The following ENTPD5 variants were observed in gnomAD, a reference collection of about 807,000 sequenced individuals.
ENTPD5 encodes nucleoside diphosphate phosphatase ENTPD5.
Under a neutral mutation model 60.2 loss-of-function variants are expected in ENTPD5, and 49 were observed. The ratio of observed to expected loss-of-function variants is 0.81; its 90% CI spans 0.65 to 1.03. The LOEUF is 1.03. Ranked by LOEUF, ENTPD5 falls within the 50% of genes least tolerant of loss-of-function variation. The pLI is 0.00. For missense variants in ENTPD5, 480 were observed against 507.6 expected (o/e 0.95, Z 0.52); for synonymous variants, 187 against 185.4 (o/e 1.01, Z -0.07).
At chr14:73,987,008 A>C (rs111623005) in intron 4 of ENTPD5, 115 bp from the exon 5 acceptor site, 146,240 of 792,412 alleles carry the variant, frequency 0.18, 14,999 homozygotes, top group East Asian at 0.33. Flanking sequence ...AAGTTATCCC[A>C]AATGATCCTA....
chr14:73,959,325 T>C, downstream of ENTPD5: 2 of 1,614,096 alleles, frequency 1.2e-6, no homozygotes, highest in Non-Finnish European at 1.7e-6. Flanking sequence ...GCCCAGGCTG[T>C]TTGTAAGTTC....
downstream of ENTPD5, among the ~76,000 whole-genome samples, chr14:73,962,301 T>C (rs1472975041): frequency 6.6e-6 from 1 of 152,090 alleles, no homozygotes; most frequent in East Asian, 1.9e-4. Flanking sequence ...ATTATCTTTA[T>C]GTGTTTGCCT....
chr14:74,005,119 A>G (rs1039162315), intron 3 of ENTPD5, among the ~76,000 whole-genome samples: 1 of 151,922 alleles, frequency 6.6e-6, no homozygotes, highest in African/African-American at 2.4e-5. Context: ...AAGCCAGGTT[A>G]GCTGGGCATG....
intron 3 of ENTPD5, 135 bp from the exon 4 acceptor site, chr14:73,988,307 G>T: frequency 1.3e-6 from 1 of 755,288 alleles, no homozygotes; most frequent in South Asian, 2.6e-5. Context: ...AAACCAGGGT[G>T]ATGTGGGCTC....
chr14:73,975,023 T>G (rs1248035665), intron 10 of ENTPD5, 38 bp from the exon 11 acceptor site: 22 of 1,499,388 alleles, frequency 1.5e-5, no homozygotes, highest in African/African-American at 2.7e-5. Flanking sequence ...ATGCTGGTCC[T>G]GAAGTTCTCT....
At position 73,993,197 on chromosome 14, in the gene ENTPD5, C is replaced by T. The variant is rs1203448779; in HGVS notation, c.-70-5025G>A. ...ACCAAAAGTACAAAAATTAGTTGGA[C>T]GTGGTGGCATGCACCTGTGGTCCTA... is the stretch of plus-strand genomic sequence containing the variant. On this transcript the variant is annotated intron_variant, in intron 3 of 15. Transcript: ENST00000334696. Among the ~76,000 whole-genome samples the T allele has an allele frequency of 1.3e-5, 2 of 151,982 alleles. 1 individual carries two copies. Among genetic ancestry groups the T allele is most frequent in the South Asian group, 4.2e-4 (2 of 4,814 alleles).
intron 3 of ENTPD5, 58 bp from the exon 4 acceptor site, chr14:73,988,230 A>T: frequency 7.0e-7 from 1 of 1,424,504 alleles, no homozygotes; most frequent in Non-Finnish European, 9.3e-7. Context: ...ACACCTGTAA[A>T]AGAAGAAACA....
At chr14:73,958,396 G>A (rs1400339793), downstream of ENTPD5, 1 of 1,550,776 alleles carries the variant, frequency 6.4e-7, no homozygotes, top group African/African-American at 1.4e-5. Context: ...TTTTGGTTAT[G>A]AGGACCAGTA....
chr14:73,956,532 TA>T (rs1335533708), downstream of ENTPD5: 2 of 152,330 alleles, frequency 1.3e-5, no homozygotes, highest in African/African-American at 2.4e-5. Context: ...TTTCCTTCTG[TA>T]AAAAAAAACT....
chr14:74,016,987 C>T (rs2059032952), intron 1 of ENTPD5, among the ~76,000 whole-genome samples: 1 of 152,174 alleles, frequency 6.6e-6, no homozygotes, highest in South Asian at 2.1e-4. Flanking sequence ...CCTATGGACT[C>T]ACGGGAGTGT....
downstream of ENTPD5, chr14:73,956,608 T>TA (rs1207311759): frequency 6.6e-6 from 1 of 152,254 alleles, no homozygotes; most frequent in Admixed American, 6.6e-5. Context: ...CCTTAATAAC[T>TA]AATGATGCTG....
At chr14:73,990,498 C>T (rs891767344) in intron 3 of ENTPD5, among the ~76,000 whole-genome samples, 5 of 151,730 alleles carry the variant, frequency 3.3e-5, no homozygotes, top group Admixed American at 1.3e-4. Flanking sequence ...CCATACCTGG[C>T]TATTTTTTTT....
chr14:73,959,621 G>T, downstream of ENTPD5: 1 of 1,580,876 alleles, frequency 6.3e-7, no homozygotes, highest in Non-Finnish European at 8.6e-7. Flanking sequence ...AGGCTGGAGC[G>T]CAGTGGCGCG....
At chr14:73,973,136 G>T in intron 12 of ENTPD5, 112 bp from the exon 13 acceptor site, 1 of 1,271,816 alleles carries the variant, frequency 7.9e-7, no homozygotes, top group Non-Finnish European at 1.1e-6. Flanking sequence ...GTCAAGGAAA[G>T]CAGGAGAAGG....
At chr14:73,969,519 T>G (rs1388428617) in intron 15 of ENTPD5, among the ~76,000 whole-genome samples, 1 of 152,002 alleles carries the variant, frequency 6.6e-6, no homozygotes, top group Non-Finnish European at 1.5e-5. Context: ...CTGGCCAACA[T>G]AGTGAAACCC....
rs1422203194 is a variant in ENTPD5 at position 74,016,575 on chromosome 14, G to A, written c.-237-645C>T. ...CACTTAAGTCCAGGAGGTCGAAGCT[G>A]TAATGAGCCATGATCCTGCCACTGT... On this transcript the variant is annotated intron_variant, in intron 1 of 15. Coordinates refer to ENST00000334696, the MANE Select transcript of ENTPD5 (RefSeq NM_001249.5). Among the ~76,000 whole-genome samples the A allele has an allele frequency of 1.8e-4, 27 of 152,056 alleles. 1 individual carries two copies. Among genetic ancestry groups the A allele is most frequent in the Non-Finnish European group, 8.8e-5 (6 of 68,022 alleles).
At chr14:73,963,140 C>G, downstream of ENTPD5, 1 of 760,390 alleles carries the variant, frequency 1.3e-6, no homozygotes, top group Non-Finnish European at 2.3e-6. Flanking sequence ...GCTTAATGGG[C>G]CTGTGGCACC....
At chr14:73,986,715 T>A in intron 5 of ENTPD5, 99 bp downstream of exon 5, 1 of 839,802 alleles carries the variant, frequency 1.2e-6, no homozygotes, top group South Asian at 1.5e-5. Context: ...ACACATGATC[T>A]CAATCTCATT....
chr14:73,971,622 G>A (rs1406402588), intron 14 of ENTPD5, among the ~76,000 whole-genome samples: 1 of 152,136 alleles, frequency 6.6e-6, no homozygotes, highest in Non-Finnish European at 1.5e-5. Context: ...TTGAATTTCT[G>A]GCCTCAAGCA....
Sources: gnomAD v4.1 joint callset for allele counts (sites outside exome capture counted in the v4.1 genomes callset) on GRCh38, gnomAD v4.1.1 for gene constraint, MANE v1.5 for transcripts, NCBI Gene and HGNC (gene_info 2026-07-23, HGNC 2026-07-21) for gene names.